TMEM87B: variants seen among roughly 807,000 people sequenced by gnomAD.
TMEM87B encodes transmembrane protein 87B.
In TMEM87B, 83 loss-of-function variants were observed where a neutral mutation model predicts 80.3. The observed-to-expected ratio is 1.03, with a 90% confidence interval of 0.87 to 1.24. TMEM87B has a LOEUF of 1.24. TMEM87B is among the 50% of genes most tolerant of loss of function. The pLI, the probability that TMEM87B is intolerant of heterozygous loss-of-function variation, is 0.00. For synonymous variants in TMEM87B, 219 were observed against 230.5 expected, an observed-to-expected ratio of 0.95 and a Z score of 0.45; for missense variants, 625 against 674.4, an observed-to-expected ratio of 0.93 and a Z score of 0.81.
In TMEM87B at chr2:112,085,991, T is replaced by G; in HGVS notation, c.839-14T>G. 6.2e-7 allele frequency: 1 copy of G among 1,611,084 alleles called. No individual in the cohort carries two copies. The highest frequency in any genetic ancestry group is 8.5e-7 in the Non-Finnish European group (1 of 1,178,598). On this transcript the variant is annotated splice_polypyrimidine_tract_variant and intron_variant, in intron 8 of 18. Transcript: ENST00000283206. ...TGTAGACAAAGTGAATTATTTTATT[T>G]TTTTCTTCCTCAGCCCAAGGCTTAT...
chr2:112,113,289 A>G (rs982991325), intron 18 of TMEM87B, among the ~76,000 whole-genome samples: 1 of 152,244 alleles, frequency 6.6e-6, no homozygotes, highest in Admixed American at 6.5e-5. Context: ...AAATTTGGAT[A>G]GAGGATGTGG....
At chr2:112,073,711 T>C (rs1199178219) in intron 4 of TMEM87B, among the ~76,000 whole-genome samples, 8 of 152,220 alleles carry the variant, frequency 5.3e-5, no homozygotes, top group Non-Finnish European at 5.9e-5. Flanking sequence ...TCTCTCACTA[T>C]TATTGTGTGG....
chr2:112,079,587 G>A (rs1228701018), intron 6 of TMEM87B, among the ~76,000 whole-genome samples: 4 of 152,180 alleles, frequency 2.6e-5, no homozygotes, highest in African/African-American at 4.8e-5. Flanking sequence ...GGTGCAGACA[G>A]CTCTTTGACA....
chr2:112,077,270 T>A lies in TMEM87B; in HGVS notation c.580T>A (p.Trp194Arg). The A allele has an allele frequency of 6.3e-7, 1 of 1,578,356 alleles. No individual in the cohort carries two copies. Among genetic ancestry groups the A allele is most frequent in the Non-Finnish European group, 8.6e-7 (1 of 1,158,900 alleles). Residue 194 changes from tryptophan to arginine, a missense_variant, in exon 6 of 19, where the codon TGG becomes AGG. By Grantham distance (101) the Trp-to-Arg change is moderately radical (BLOSUM62 -3). Transcript: ENST00000283206. ...SIKTENTDAS[W>R]NLNVSLSMIG... ...TAAAACGGAGAATACAGATGCAAGC[T>A]GGAATTTGAATGGTATAGTTAAACT...
chr2:112,086,534 G>A (rs376992751), intron 9 of TMEM87B, among the ~76,000 whole-genome samples: 5 of 152,164 alleles, frequency 3.3e-5, no homozygotes, highest in Non-Finnish European at 5.9e-5. Context: ...GACCTTCTCC[G>A]GCGGGTCTTT....
chr2:112,067,623 C>T (rs946821333), intron 4 of TMEM87B, among the ~76,000 whole-genome samples: 1 of 152,088 alleles, frequency 6.6e-6, no homozygotes, highest in African/African-American at 2.4e-5. Flanking sequence ...GATACTGATA[C>T]CATTGTTCCA....
At chr2:112,078,820 G>A (rs906187101) in intron 6 of TMEM87B, among the ~76,000 whole-genome samples, 5 of 152,154 alleles carry the variant, frequency 3.3e-5, no homozygotes, top group South Asian at 2.1e-4. Flanking sequence ...TCCAAGTTAC[G>A]TCAAGGAAGA....
intron 5 of TMEM87B, 146 bp from the exon 6 acceptor site, chr2:112,077,046 A>G: frequency 2.2e-6 from 1 of 463,200 alleles, no homozygotes; most frequent in South Asian, 4.1e-5. Context: ...CTCAAAAAAA[A>G]AAAAAAAAAA....
At chr2:112,081,301 G>A in intron 7 of TMEM87B, 34 bp from the exon 8 acceptor site, 1 of 1,563,754 alleles carries the variant, frequency 6.4e-7, no homozygotes. Context: ...TGACCAAAAG[G>A]CTTAACTGAC....
At chr2:112,057,095 A>G (rs1678097829) in intron 1 of TMEM87B, among the ~76,000 whole-genome samples, 1 of 152,166 alleles carries the variant, frequency 6.6e-6, no homozygotes, top group Non-Finnish European at 1.5e-5. Context: ...TTGCTCCTTG[A>G]GTGCTGCATG....
intron 8 of TMEM87B, among the ~76,000 whole-genome samples, chr2:112,083,381 GGTACTTAA>G (rs1325071528): frequency 6.6e-6 from 1 of 152,058 alleles, no homozygotes; most frequent in Non-Finnish European, 1.5e-5. Flanking sequence ...GCCACATCTG[GGTACTTAA>G]GTAAAATTAA....
chr2:112,060,025 A>T lies in TMEM87B; in HGVS notation c.214A>T (p.Ile72Phe). 1.3e-6 allele frequency: 2 copies of T among 1,588,946 alleles called. No homozygotes were observed. Among genetic ancestry groups the T allele is most frequent in the South Asian group, 2.2e-5 (2 of 89,700 alleles). ...FRKTMFNSTD[I>F]KLSVKSFHCS... ...GAAAACTATGTTTAACTCTACAGAT[A>T]TCAAGTTATCTGGTAAGTATAATAA... Residue 72 changes from isoleucine to phenylalanine, a missense_variant, in exon 2 of 19, where the codon ATC (isoleucine) becomes TTC (phenylalanine). By Grantham distance (21) the Ile-to-Phe change is conservative. Transcript: ENST00000283206.
chr2:112,096,464 T>C (rs1317710580), intron 11 of TMEM87B, among the ~76,000 whole-genome samples: 1 of 152,232 alleles, frequency 6.6e-6, no homozygotes, highest in African/African-American at 2.4e-5. Flanking sequence ...GTCGTAGTAT[T>C]CTTCCTATTG....
At chr2:112,065,976 T>G (rs1678422972) in intron 3 of TMEM87B, among the ~76,000 whole-genome samples, 2 of 152,248 alleles carry the variant, frequency 1.3e-5, no homozygotes, top group South Asian at 4.1e-4. Context: ...TTGTCTCATT[T>G]TTGGTGATGT....
chr2:112,116,257 CTG>C lies in TMEM87B; in HGVS notation c.*118_*119del. 1.1e-6 allele frequency: 1 copy of C among 877,006 alleles called. No individual in the cohort carries two copies. The highest frequency in any genetic ancestry group is 2.7e-5 in the East Asian group (1 of 37,206). 54.3% of individuals were successfully genotyped at this position (877,006 alleles called of 1,614,324 possible). A position where few individuals can be genotyped will look rare whatever the true frequency, so the allele number is the denominator to read the frequency against. On this transcript the variant is annotated 3_prime_UTR_variant, in exon 19 of 19. Transcript: ENST00000283206. ...ATTTTTATTGTGTTATCTTGGAAGT[CTG>C]TGTATCAAAATGAAGAATTCAGATG...
rs1679946211 is a variant in TMEM87B, at chr2:112,112,488, G to C, written c.1578-411G>C. On this transcript the variant is annotated intron_variant, in intron 17 of 18. Coordinates refer to ENST00000283206, the MANE Select transcript of TMEM87B (RefSeq NM_032824.3). ...TAATCGTCACCCAGATCAAAAAACA[G>C]AATAACACTAAGTGCTCTAAAAAGC... 3.3e-5 allele frequency among the ~76,000 whole-genome samples: 5 copies of C among 152,162 alleles called. No individual in the cohort carries two copies. In the South Asian group the frequency reaches 1.0e-3, roughly 31 times the overall value.
At chr2:112,097,981 TC>T (rs1437746254) in intron 13 of TMEM87B, among the ~76,000 whole-genome samples, 2,179 of 151,218 alleles carry the variant, frequency 0.014, 52 homozygotes, top group African/African-American at 0.05. Flanking sequence ...AGCGATGTTT[TC>T]TTTTTTTTTT....
Position 112,100,661 on chromosome 2 carries a change from A to C in TMEM87B, c.1416A>C (p.Glu472Asp). Residue 472 changes from glutamate (E) to aspartate (D), a missense_variant, in exon 15 of 19, where the codon GAA becomes GAC. Glu to Asp is a conservative substitution (Grantham distance 45). Coordinates refer to ENST00000283206, the MANE Select transcript of TMEM87B (RefSeq NM_032824.3). ...FMPLIDDSDD[E>D]IEEFMVTSEN... ...CCTTAATAGATGATTCTGATGATGA[A>C]ATTGAGGAATTCATGGTAACTTCTG... 1 of 1,610,062 alleles carries C rather than the reference A, an allele frequency of 6.2e-7. No individual in the cohort carries two copies. The highest frequency in any genetic ancestry group is 8.5e-7 in the Non-Finnish European group (1 of 1,177,380).
At chr2:112,097,004 C>G in intron 11 of TMEM87B, 40 bp from the exon 12 acceptor site, 1 of 1,292,712 alleles carries the variant, frequency 7.7e-7, no homozygotes. Flanking sequence ...TTTTTAACCT[C>G]TTATTATTAC....
Sources: gnomAD v4.1 joint callset for allele counts (sites outside exome capture counted in the v4.1 genomes callset) on GRCh38, gnomAD v4.1.1 for gene constraint, MANE v1.5 for transcripts, NCBI Gene and HGNC (gene_info 2026-07-23, HGNC 2026-07-21) for gene names.